The following ALMS1 variants were observed in gnomAD, a reference collection of about 807,000 sequenced individuals.
ALMS1 encodes the protein ALMS1 centrosome and basal body associated protein.
ALMS1 carries 271 observed loss-of-function variants against 352.2 expected under a neutral mutation model. The ratio of observed to expected loss-of-function variants is 0.77; its 90% CI spans 0.70 to 0.85. ALMS1 has a LOEUF of 0.85. Ranked by LOEUF, ALMS1 falls within the 40% of genes least tolerant of loss-of-function variation. The pLI is 0.00. For synonymous variants in ALMS1, 1,865 were observed against 1,761.2 expected (o/e 1.06, Z -1.48); for missense variants, 5,445 against 4,870.7 (o/e 1.12, Z -3.51).
chr2:73,417,022 G>A (rs1484788640), intron 2 of ALMS1, among the ~76,000 whole-genome samples: 1 of 152,152 alleles, frequency 6.6e-6, no homozygotes, highest in Non-Finnish European at 1.5e-5. Context: ...TGAGCCTGGA[G>A]GCAGAGGTTG....
intron 10 of ALMS1, among the ~76,000 whole-genome samples, chr2:73,500,091 G>C (rs957071722): frequency 1.3e-5 from 2 of 152,164 alleles, no homozygotes; most frequent in Non-Finnish European, 2.9e-5. Context: ...GACACCATTT[G>C]AGCTGAGATT....
chr2:73,582,057 A>G (rs370328342), intron 16 of ALMS1, among the ~76,000 whole-genome samples: 68 of 152,248 alleles, frequency 4.5e-4, no homozygotes, highest in African/African-American at 1.5e-3. Flanking sequence ...TACATTTTTA[A>G]TATCTTTGCC....
chr2:73,576,150 G>A (rs1675050379), intron 16 of ALMS1, among the ~76,000 whole-genome samples: 2 of 151,990 alleles, frequency 1.3e-5, no homozygotes, highest in African/African-American at 4.8e-5. Flanking sequence ...TTTTATCTGG[G>A]CTCTCTATTC....
chr2:73,558,112 C>T (rs1203459978), intron 14 of ALMS1, among the ~76,000 whole-genome samples: 2 of 152,080 alleles, frequency 1.3e-5, no homozygotes, highest in Non-Finnish European at 2.9e-5. Context: ...ATTCTATTGG[C>T]CAGACTTAGA....
At chr2:73,506,516 T>C (rs1673330063) in intron 10 of ALMS1, among the ~76,000 whole-genome samples, 1 of 152,216 alleles carries the variant, frequency 6.6e-6, no homozygotes, top group South Asian at 2.1e-4. Flanking sequence ...CATTGAATGT[T>C]GTATTCCTAG....
chr2:73,483,416 G>C (rs1672757434), intron 9 of ALMS1, among the ~76,000 whole-genome samples: 1 of 151,840 alleles, frequency 6.6e-6, no homozygotes, highest in African/African-American at 2.4e-5. Context: ...GTTCTAGTTT[G>C]ATTGCACTGT....
At chr2:73,511,127 T>C (rs1275274433) in intron 10 of ALMS1, among the ~76,000 whole-genome samples, 2 of 152,156 alleles carry the variant, frequency 1.3e-5, no homozygotes, top group African/African-American at 4.8e-5. Flanking sequence ...CTGGACTCCT[T>C]GGGGGTGGGA....
Position 73,386,036 on chromosome 2 carries a change from C to T in ALMS1, c.168C>T (p.Ser56=), listed in dbSNP as rs748955296. 55 of 1,564,036 alleles carry T rather than the reference C, an allele frequency of 3.5e-5. No individual in the cohort carries two copies. The Middle Eastern group carries it at 8.3e-4, about 24-fold the overall frequency. Residue 56 remains serine, a synonymous_variant, in exon 1 of 23, where the codon TCC becomes TCT. Coordinates refer to ENST00000613296, the MANE Select transcript of ALMS1 (RefSeq NM_001378454.1). ...AAGAGGCGGGGCGGGAGTTGGACTC[C>T]GACTCTCACTACGGGCCCCAGCATC... ...VEEEAGRELD[S]DSHYGPQHLE...
At chr2:73,454,680 A>C (rs919522796) in intron 8 of ALMS1, among the ~76,000 whole-genome samples, 1 of 152,214 alleles carries the variant, frequency 6.6e-6, no homozygotes, top group Non-Finnish European at 1.5e-5. Context: ...CTGTAAGACA[A>C]TATGGGGAAT....
intron 16 of ALMS1, among the ~76,000 whole-genome samples, chr2:73,581,702 G>T (rs1263935720): frequency 1.3e-5 from 2 of 151,560 alleles, no homozygotes; most frequent in Non-Finnish European, 2.9e-5. Flanking sequence ...AGGTGGAGTT[G>T]TGTGTCCCTC....
rs534858351 is a variant in ALMS1, at chr2:73,450,611, G to A, written c.4084G>A (p.Val1362Ile). Residue 1362 changes from valine to isoleucine, a missense_variant, in exon 8 of 23, where the codon GTT becomes ATT. By Grantham distance (29) the Val-to-Ile change is conservative (BLOSUM62 3). Transcript: ENST00000613296. ...AACTGAAGAGGCTCTGAAAATTTCA[G>A]TTGCCTCTGAACCAGTTGACCAGAC... ...HPTEEALKIS[V>I]ASEPVDQTTG... 3 of 1,612,148 alleles carry A rather than the reference G, an allele frequency of 1.9e-6. No individual in the cohort carries two copies. In the African/African-American group the frequency reaches 4.0e-5, roughly 22 times the overall value.
intron 15 of ALMS1, among the ~76,000 whole-genome samples, chr2:73,571,174 G>A (rs945853549): frequency 6.6e-6 from 1 of 152,158 alleles, no homozygotes; most frequent in Non-Finnish European, 1.5e-5. Context: ...CTCTGGGGAA[G>A]TCCGTAGGGA....
rs746109345 is a variant in ALMS1, at chr2:73,424,474, C to G, written c.809C>G (p.Pro270Arg). The change falls in exon 5 of 23, where the codon CCA (proline) becomes CGA (arginine). Residue 270 changes from proline to arginine, a missense_variant. Coordinates refer to ENST00000613296, the MANE Select transcript of ALMS1 (RefSeq NM_001378454.1). ...GAAGATACTGAATGGTCTTCTCGACCATCGGAAGTTAGTGAAGCTTTATTC... is the reference window on the plus strand; with the variant it reads ...GAAGATACTGAATGGTCTTCTCGACGATCGGAAGTTAGTGAAGCTTTATTC... ...KSEDTEWSSR[P>R]SEVSEALFQA... is the part of the protein sequence containing the mutation. 6.2e-7 allele frequency: 1 copy of G among 1,601,998 alleles called. No homozygotes were observed. Among genetic ancestry groups the G allele is most frequent in the Non-Finnish European group, 8.5e-7 (1 of 1,175,280 alleles).
Position 73,485,815 on chromosome 2 carries a change from C to T in ALMS1, c.7675-3819C>T, listed in dbSNP as rs181873730. Reference sequence around the variant, plus strand: ...AAGCCGGTTGGAAAAGCGCAGTATTCGGGTGGGAGTGACCCGATTTTCCAG... The same window carrying T: ...AAGCCGGTTGGAAAAGCGCAGTATTTGGGTGGGAGTGACCCGATTTTCCAG... On this transcript the variant is annotated intron_variant, in intron 9 of 22. Transcript: ENST00000613296. 5.5e-3 allele frequency among the ~76,000 whole-genome samples: 841 copies of T among 152,222 alleles called. 8 individuals carry two copies. The highest frequency in any genetic ancestry group is 0.019 in the African/African-American group (769 of 41,534).
intron 9 of ALMS1, among the ~76,000 whole-genome samples, chr2:73,474,592 A>G (rs1391588887): frequency 6.6e-6 from 1 of 152,078 alleles, no homozygotes. Context: ...CTTCCACCTC[A>G]GTCTCTCAAA....
At chr2:73,559,265 T>G in intron 15 of ALMS1, 123 bp downstream of exon 15, 1 of 1,251,082 alleles carries the variant, frequency 8.0e-7, no homozygotes, top group Non-Finnish European at 1.1e-6. Context: ...TTCCTTTTCT[T>G]TTTTTAAAAC....
At chr2:73,526,790 G>A (rs1673800341) in intron 11 of ALMS1, among the ~76,000 whole-genome samples, 2 of 152,070 alleles carry the variant, frequency 1.3e-5, no homozygotes, top group Non-Finnish European at 2.9e-5. Context: ...GCTCGAGCTA[G>A]GACTTCCAGT....
At chr2:73,456,424 T>C (rs1483151798) in intron 9 of ALMS1, among the ~76,000 whole-genome samples, 2 of 152,230 alleles carry the variant, frequency 1.3e-5, no homozygotes, top group East Asian at 3.8e-4. Flanking sequence ...TTTTGCATAG[T>C]AATAGGGTAT....
At chr2:73,408,270 T>C (rs1558633221) in intron 1 of ALMS1, among the ~76,000 whole-genome samples, 1 of 152,362 alleles carries the variant, frequency 6.6e-6, no homozygotes, top group East Asian at 1.9e-4. Context: ...TTCTGACTTT[T>C]GTTCCCACTT....
Sources: allele counts gnomAD v4.1 joint callset (sites outside exome capture counted in the v4.1 genomes callset), GRCh38; gene constraint gnomAD v4.1.1; transcripts MANE v1.5; gene names NCBI Gene and HGNC (gene_info 2026-07-23, HGNC 2026-07-21).